Variants in MECOM observed in about 807,000 individuals in gnomAD.
MECOM encodes MDS1 and EVI1 complex locus.
In MECOM, 13 loss-of-function variants were observed where a neutral mutation model predicts 116.3. That is an observed-to-expected ratio of 0.11 (90% CI 0.07 to 0.18). The LOEUF (loss-of-function observed/expected upper bound fraction) is 0.18. Among genes scored for constraint, MECOM ranks in the 10% least tolerant of loss-of-function variants. The pLI is 1.00. For missense variants in MECOM, 1,299 were observed against 1,509.0 expected, an observed-to-expected ratio of 0.86 and a Z score of 2.31; for synonymous variants, 528 against 535.2, an observed-to-expected ratio of 0.99 and a Z score of 0.19.
intron 1 of MECOM, among the ~76,000 whole-genome samples, chr3:169,630,731 G>A (rs868404723): frequency 3.1e-4 from 47 of 152,168 alleles, no homozygotes; most frequent in Middle Eastern, 3.2e-3. Flanking sequence ...GTTTGTTTTT[G>A]TTGATGTTAT....
chr3:169,433,083 T>C (rs954786515), intron 1 of MECOM, among the ~76,000 whole-genome samples: 1 of 152,202 alleles, frequency 6.6e-6, no homozygotes, highest in Non-Finnish European at 1.5e-5. Flanking sequence ...TAAAAGTTTA[T>C]AGAAACGGTG....
chr3:169,099,607 C>T (rs1722882443), intron 12 of MECOM, among the ~76,000 whole-genome samples: 1 of 89,706 alleles, frequency 1.1e-5, no homozygotes, highest in East Asian at 3.2e-4. Flanking sequence ...CTTATTTTAC[C>T]ATTAAAAAAA....
chr3:169,232,439 GA>G (rs5854320), intron 2 of MECOM, among the ~76,000 whole-genome samples: 137,629 of 150,828 alleles, frequency 0.91, 62,789 homozygotes, highest in Middle Eastern at 0.95. Flanking sequence ...TCTTAAAAAA[GA>G]AAAAAAAAAG....
intron 2 of MECOM, among the ~76,000 whole-genome samples, chr3:169,273,089 A>G (rs540905209): frequency 4.1e-4 from 62 of 152,328 alleles, no homozygotes; most frequent in African/African-American, 1.4e-3. Flanking sequence ...ATACTTTCCA[A>G]GGATTCAAGA....
At chr3:169,299,770 T>A (rs529528142) in intron 2 of MECOM, among the ~76,000 whole-genome samples, 1 of 152,358 alleles carries the variant, frequency 6.6e-6, no homozygotes, top group Non-Finnish European at 1.5e-5. Context: ...ACATTTTTTC[T>A]GGTTAATGTA....
chr3:169,639,338 C>T (rs901277237), intron 1 of MECOM, among the ~76,000 whole-genome samples: 1 of 152,084 alleles, frequency 6.6e-6, no homozygotes, highest in Non-Finnish European at 1.5e-5. Flanking sequence ...GACATATTGC[C>T]TAACTCAGTC....
intron 1 of MECOM, among the ~76,000 whole-genome samples, chr3:169,541,287 A>C (rs552543664): frequency 6.6e-6 from 1 of 152,338 alleles, no homozygotes; most frequent in South Asian, 2.1e-4. Context: ...TTGAGAACTG[A>C]GAACTGTTCT....
chr3:169,542,267 T>G (rs1180135099), intron 1 of MECOM, among the ~76,000 whole-genome samples: 1 of 152,192 alleles, frequency 6.6e-6, no homozygotes, highest in African/African-American at 2.4e-5. Context: ...TTTGTTCTAC[T>G]TTTCCAAAAG....
chr3:169,191,712 GA>G (rs1747590585), intron 2 of MECOM, among the ~76,000 whole-genome samples: 1 of 44,264 alleles, frequency 2.3e-5, no homozygotes. Flanking sequence ...AAGAAAGAAA[GA>G]AAGAAAAAAA....
intron 2 of MECOM, among the ~76,000 whole-genome samples, chr3:169,148,740 G>C (rs1311981014): frequency 6.6e-6 from 1 of 152,100 alleles, no homozygotes; most frequent in African/African-American, 2.4e-5. Flanking sequence ...AAATAAACGT[G>C]TAAATCCAGT....
chr3:169,339,136 A>G (rs1233475454), intron 2 of MECOM, among the ~76,000 whole-genome samples: 1 of 152,238 alleles, frequency 6.6e-6, no homozygotes, highest in Non-Finnish European at 1.5e-5. Context: ...CACAGTACGC[A>G]TTCAACAAAT....
At chr3:169,436,236 G>A (rs1446622272) in intron 1 of MECOM, among the ~76,000 whole-genome samples, 1 of 146,226 alleles carries the variant, frequency 6.8e-6, no homozygotes, top group Non-Finnish European at 1.5e-5. Flanking sequence ...GGAAATTCTG[G>A]CTAAATCGCT....
In MECOM at chr3:169,131,457, G is replaced by A. The variant is rs770688527; in HGVS notation, c.585C>T (p.Pro195=). ...LLLFMKSEDY[P]HETMAPDIHE... is the part of the protein sequence containing the mutation. Reference sequence around the variant, plus strand: ...GGATATCCGGCGCCATAGTTTCATGGGGATAGTCTTCGCTCTTCATGAACA... The same window carrying A: ...GGATATCCGGCGCCATAGTTTCATGAGGATAGTCTTCGCTCTTCATGAACA... The change falls in exon 4 of 17, where the codon CCC becomes CCT. Residue 195 remains proline, a synonymous_variant. Transcript: ENST00000651503. 8.1e-6 allele frequency: 13 copies of A among 1,613,994 alleles called. No individual in the cohort carries two copies. Among genetic ancestry groups the A allele is most frequent in the Non-Finnish European group, 8.5e-7 (1 of 1,179,988 alleles).
chr3:169,638,747 G>T (rs529328386), intron 1 of MECOM, among the ~76,000 whole-genome samples: 1 of 152,154 alleles, frequency 6.6e-6, no homozygotes, highest in African/African-American at 2.4e-5. Flanking sequence ...TTTGTGCTGC[G>T]TGGGTGGGAT....
Position 169,115,368 on chromosome 3 carries a change from T to G in MECOM, c.2489+15A>C. The G allele has an allele frequency of 6.2e-7, 1 of 1,608,854 alleles. No individual in the cohort carries two copies. The highest frequency in any genetic ancestry group is 8.5e-7 in the Non-Finnish European group (1 of 1,177,210). On this transcript the variant is annotated intron_variant, in intron 8 of 16. Coordinates refer to ENST00000651503, the MANE Select transcript of MECOM (RefSeq NM_004991.4). Reference sequence around the variant, plus strand: ...TACATCTGCTCATATTTCGTCATCTTCCATACACGCTTACCTGTAAATAGG... The same window carrying G: ...TACATCTGCTCATATTTCGTCATCTGCCATACACGCTTACCTGTAAATAGG...
intron 2 of MECOM, among the ~76,000 whole-genome samples, chr3:169,267,358 G>A (rs1044948473): frequency 3.9e-5 from 6 of 152,148 alleles, no homozygotes; most frequent in East Asian, 1.9e-4. Context: ...TCCATAGACC[G>A]TATGGCCTTT....
intron 1 of MECOM, among the ~76,000 whole-genome samples, chr3:169,605,146 G>A (rs949376709): frequency 1.3e-5 from 2 of 152,004 alleles, no homozygotes; most frequent in African/African-American, 4.8e-5. Flanking sequence ...CCTGGCTCTC[G>A]GATTCCTAGA....
chr3:169,458,187 A>C (rs1253171775), intron 1 of MECOM, among the ~76,000 whole-genome samples: 1 of 152,210 alleles, frequency 6.6e-6, no homozygotes, highest in East Asian at 1.9e-4. Context: ...ATGAGCTAGG[A>C]GCAAGTCTTT....
At chr3:169,133,025 A>G (rs1456597283) in intron 3 of MECOM, among the ~76,000 whole-genome samples, 1 of 151,938 alleles carries the variant, frequency 6.6e-6, no homozygotes, top group African/African-American at 2.4e-5. Flanking sequence ...ACGTCCTAGG[A>G]TTACAAGTAA....
Sources: gnomAD v4.1 joint callset for allele counts (sites outside exome capture counted in the v4.1 genomes callset) on GRCh38, gnomAD v4.1.1 for gene constraint, MANE v1.5 for transcripts, NCBI Gene and HGNC (gene_info 2026-07-23, HGNC 2026-07-21) for gene names.